WWOX: variants seen among roughly 807,000 people sequenced by gnomAD.
The protein encoded by WWOX is WW domain containing oxidoreductase.
Under a neutral mutation model 46.2 loss-of-function variants are expected in WWOX, and 69 were observed. That is an observed-to-expected ratio of 1.49 (90% CI 1.23 to 1.82). The LOEUF (loss-of-function observed/expected upper bound fraction) is 1.82. Ranked by LOEUF, WWOX falls within the 40% of genes most tolerant of loss-of-function variation. WWOX has a pLI of 0.00. For synonymous variants in WWOX, 359 were observed against 202.6 expected (o/e 1.77, Z -6.56); for missense variants, 919 against 542.6 (o/e 1.69, Z -6.89).
chr16:79,044,234 T>A (rs1347483641), intron 8 of WWOX, among the ~76,000 whole-genome samples: 1 of 152,178 alleles, frequency 6.6e-6, no homozygotes, highest in Non-Finnish European at 1.5e-5. Flanking sequence ...AGAAGGAAAG[T>A]TACCATCAAA....
chr16:79,182,984 G>A (rs1293560338), intron 8 of WWOX, among the ~76,000 whole-genome samples: 1 of 152,196 alleles, frequency 6.6e-6, no homozygotes, highest in Non-Finnish European at 1.5e-5. Context: ...CATGTACTAG[G>A]CGGGTCAGCA....
At chr16:79,104,929 G>C (rs981799294) in intron 8 of WWOX, among the ~76,000 whole-genome samples, 1 of 152,200 alleles carries the variant, frequency 6.6e-6, no homozygotes, top group South Asian at 2.1e-4. Flanking sequence ...AATTACTCAG[G>C]AGCAAAGCAG....
chr16:78,877,508 C>G (rs1463814984), intron 8 of WWOX, among the ~76,000 whole-genome samples: 1 of 152,236 alleles, frequency 6.6e-6, no homozygotes, highest in Non-Finnish European at 1.5e-5. Context: ...TCACCACTCA[C>G]TATAAAATGG....
At chr16:78,439,470 G>C (rs910363091) in intron 8 of WWOX, among the ~76,000 whole-genome samples, 1 of 152,076 alleles carries the variant, frequency 6.6e-6, no homozygotes, top group Admixed American at 6.5e-5. Flanking sequence ...ATTACCATTG[G>C]TTTTAGTAGT....
intron 5 of WWOX, among the ~76,000 whole-genome samples, chr16:78,371,793 T>C (rs2081696462): frequency 1.5e-5 from 2 of 136,598 alleles, no homozygotes; most frequent in Non-Finnish European, 1.7e-5. Context: ...TTTTTCTTTA[T>C]CTTTATCATT....
chr16:78,134,621 G>A (rs909103505), intron 4 of WWOX, among the ~76,000 whole-genome samples: 9 of 152,024 alleles, frequency 5.9e-5, no homozygotes, highest in Non-Finnish European at 1.0e-4. Context: ...GAAACATCAG[G>A]CATTTGTTAA....
chr16:78,585,002 G>A (rs1166023423), intron 8 of WWOX, among the ~76,000 whole-genome samples: 2 of 152,190 alleles, frequency 1.3e-5, no homozygotes, highest in Admixed American at 1.3e-4. Context: ...CAGAAAGGCC[G>A]AGATGACCGC....
intron 8 of WWOX, among the ~76,000 whole-genome samples, chr16:78,641,983 C>G (rs2142116668): frequency 6.6e-6 from 1 of 152,156 alleles, no homozygotes; most frequent in South Asian, 2.1e-4. Context: ...AGCCGTAAGT[C>G]CTTGGAAAAT....
At chr16:78,166,352 G>C (rs1251404196) in intron 5 of WWOX, among the ~76,000 whole-genome samples, 2 of 152,114 alleles carry the variant, frequency 1.3e-5, no homozygotes, top group Admixed American at 6.5e-5. Context: ...GTGTTTCACA[G>C]TTCTCTCTTT....
chr16:78,690,165 T>G (rs926186866), intron 8 of WWOX, among the ~76,000 whole-genome samples: 2 of 152,064 alleles, frequency 1.3e-5, no homozygotes, highest in African/African-American at 4.8e-5. Context: ...CCGGCCAGGA[T>G]AACTTTTTAA....
At chr16:78,281,272 C>A (rs2079673920) in intron 5 of WWOX, among the ~76,000 whole-genome samples, 1 of 152,184 alleles carries the variant, frequency 6.6e-6, no homozygotes, top group African/African-American at 2.4e-5. Context: ...CCCAGTGATT[C>A]AAATACCTCC....
chr16:78,484,235 C>T (rs1163006351), intron 8 of WWOX, among the ~76,000 whole-genome samples: 1 of 152,014 alleles, frequency 6.6e-6, no homozygotes, highest in African/African-American at 2.4e-5. Flanking sequence ...ACTTTTGTAC[C>T]TTTCTCTTTA....
intron 5 of WWOX, among the ~76,000 whole-genome samples, chr16:78,229,466 C>T (rs1490805982): frequency 6.9e-6 from 1 of 145,112 alleles, no homozygotes; most frequent in Non-Finnish European, 1.5e-5. Flanking sequence ...TCTGTTTTAT[C>T]TCTCTCTATA....
chr16:79,171,700 A>C (rs1431319510), intron 8 of WWOX, among the ~76,000 whole-genome samples: 1 of 152,146 alleles, frequency 6.6e-6, no homozygotes, highest in Non-Finnish European at 1.5e-5. Flanking sequence ...TTTATCATCC[A>C]ATCAGCAGAT....
chr16:78,981,747 C>G (rs1188484662), intron 8 of WWOX: 1 of 152,112 alleles, frequency 6.6e-6, no homozygotes, highest in Admixed American at 6.6e-5. Flanking sequence ...TAATTTAAGC[C>G]CTCTACATCC....
intron 6 of WWOX, among the ~76,000 whole-genome samples, chr16:78,399,129 G>T (rs548896396): frequency 1.3e-5 from 2 of 152,144 alleles, no homozygotes; most frequent in African/African-American, 4.8e-5. Flanking sequence ...GTACAAGGAA[G>T]GGGATGGGTG....
intron 8 of WWOX, among the ~76,000 whole-genome samples, chr16:78,756,468 CA>C (rs2049649850): frequency 6.6e-6 from 1 of 152,060 alleles, no homozygotes; most frequent in Admixed American, 6.5e-5. Context: ...ATTGATTAGG[CA>C]ATAGTTTACC....
At chr16:78,145,434 G>T (rs563320334) in intron 4 of WWOX, among the ~76,000 whole-genome samples, 67 of 152,234 alleles carry the variant, frequency 4.4e-4, no homozygotes, top group Non-Finnish European at 5.4e-4. Context: ...AGAACTTGGA[G>T]TCCGATGTTC....
chr16:79,083,993 T>C (rs2048809085), intron 8 of WWOX, among the ~76,000 whole-genome samples: 1 of 152,218 alleles, frequency 6.6e-6, no homozygotes, highest in Admixed American at 6.5e-5. Flanking sequence ...TTGTAGTTTC[T>C]GTGGGGGCTG....
Sources: allele counts gnomAD v4.1 joint callset (sites outside exome capture counted in the v4.1 genomes callset), GRCh38; gene constraint gnomAD v4.1.1; transcripts MANE v1.5; gene names NCBI Gene and HGNC (gene_info 2026-07-23, HGNC 2026-07-21).